FRMD5: variants seen among roughly 807,000 people sequenced by gnomAD.
The protein encoded by FRMD5 is FERM domain-containing protein 5.
Under a neutral mutation model 69.0 loss-of-function variants are expected in FRMD5, and 20 were observed. The ratio of observed to expected loss-of-function variants is 0.29; its 90% CI spans 0.20 to 0.42. The LOEUF is 0.42. Among genes scored for constraint, FRMD5 ranks in the 10% least tolerant of loss-of-function variants. The pLI, the probability that FRMD5 is intolerant of heterozygous loss-of-function variation, is 1.00. For missense variants in FRMD5, 595 were observed against 708.6 expected (o/e 0.84, Z 1.82); for synonymous variants, 271 against 260.1 (o/e 1.04, Z -0.40).
intron 1 of FRMD5, among the ~76,000 whole-genome samples, chr15:44,052,464 C>T (rs971933090): frequency 6.6e-6 from 1 of 152,116 alleles, no homozygotes; most frequent in African/African-American, 2.4e-5. Context: ...GAATGGTATT[C>T]GAATCTAAGA....
rs372238267 is a variant in FRMD5 at position 43,992,597 on chromosome 15, C to T, written c.103-68288G>A. ...TTCACCACATTGGCCAGACTGGTCT[C>T]GAACTCCTGATCTCAGGTGACCCAC... On this transcript the variant is annotated intron_variant, in intron 1 of 13. Transcript: ENST00000417257. Among the ~76,000 whole-genome samples the T allele has an allele frequency of 3.0e-4, 45 of 152,218 alleles. 1 individual carries two copies. In the South Asian group the frequency reaches 7.3e-3, roughly 25 times the overall value.
rs112770866 is a variant in FRMD5 at position 44,160,025 on chromosome 15, C to T, written c.102+34928G>A. ...AATAAGTAGCATGGCTGACCCTTCA[C>T]GGTAGCCACTGCTGACATTTAGTTC... On this transcript the variant is annotated intron_variant, in intron 1 of 13. Transcript: ENST00000417257. Among the ~76,000 whole-genome samples, 607 of 152,276 alleles carry T rather than the reference C, an allele frequency of 4.0e-3. 5 individuals carry two copies. Among genetic ancestry groups the T allele is most frequent in the African/African-American group, 0.013 (561 of 41,558 alleles).
chr15:43,911,710 T>G (rs1048732227), intron 4 of FRMD5, among the ~76,000 whole-genome samples: 7 of 152,210 alleles, frequency 4.6e-5, no homozygotes, highest in African/African-American at 1.4e-4. Context: ...TGTAGTAAAA[T>G]TCCTTTAAAT....
In FRMD5 at chr15:44,025,431, C is replaced by CAT. The variant is rs549729523; in HGVS notation, c.103-101124_103-101123dup. Among the ~76,000 whole-genome samples the CAT allele has an allele frequency of 3.4e-4, 52 of 152,082 alleles. No individual in the cohort carries two copies. The South Asian group carries it at 9.8e-3, about 29-fold the overall frequency. On this transcript the variant is annotated intron_variant, in intron 1 of 13. Transcript: ENST00000417257. ...ATGCATGGGAGAATGTACACACACACATATATATACACACACACAAATATA... is the reference window on the plus strand; with the variant it reads ...ATGCATGGGAGAATGTACACACACACATATATATATACACACACACAAATATA...
intron 1 of FRMD5, among the ~76,000 whole-genome samples, chr15:43,939,095 C>G (rs1358538042): frequency 1.3e-5 from 2 of 151,802 alleles, no homozygotes; most frequent in Non-Finnish European, 2.9e-5. Context: ...GGTCTCGAAC[C>G]CCTGACCTCA....
At chr15:44,142,517 A>C (rs2077288757) in intron 1 of FRMD5, among the ~76,000 whole-genome samples, 1 of 152,208 alleles carries the variant, frequency 6.6e-6, no homozygotes, top group South Asian at 2.1e-4. Flanking sequence ...GAGACTCCAC[A>C]CATTCATAAC....
At chr15:43,944,733 G>T (rs935511154) in intron 1 of FRMD5, among the ~76,000 whole-genome samples, 1 of 152,110 alleles carries the variant, frequency 6.6e-6, no homozygotes, top group African/African-American at 2.4e-5. Flanking sequence ...GGGACTACAG[G>T]CACCCGCTAC....
chr15:43,884,887 A>C (rs1420544029), intron 11 of FRMD5, 92 bp from the exon 12 acceptor site: 1 of 1,119,024 alleles, frequency 8.9e-7, no homozygotes, highest in East Asian at 2.4e-5. Flanking sequence ...TCCCTGAATC[A>C]GGAAATGGCA....
chr15:43,886,219 T>C (rs2088660079), intron 10 of FRMD5, among the ~76,000 whole-genome samples: 1 of 152,158 alleles, frequency 6.6e-6, no homozygotes, highest in African/African-American at 2.4e-5. Context: ...GTCCCAGTAT[T>C]TGATTTTGTG....
chr15:44,188,894 G>A (rs1184370985), intron 1 of FRMD5, among the ~76,000 whole-genome samples: 4 of 152,022 alleles, frequency 2.6e-5, no homozygotes, highest in Non-Finnish European at 4.4e-5. Flanking sequence ...CTCTAAATAC[G>A]AAGCAGCAGA....
chr15:43,900,110 G>T (rs1489887675), intron 7 of FRMD5, among the ~76,000 whole-genome samples: 2 of 152,216 alleles, frequency 1.3e-5, no homozygotes, highest in East Asian at 1.9e-4. Context: ...CGTCTTTAAG[G>T]TCCTAGAGTG....
chr15:44,143,106 AAAAG>A (rs909990827), intron 1 of FRMD5, among the ~76,000 whole-genome samples: 16 of 152,300 alleles, frequency 1.1e-4, no homozygotes, highest in African/African-American at 3.1e-4. Context: ...AAAAAAAGAA[AAAAG>A]AAAGAAAGAA....
At chr15:44,110,468 T>C (rs562164799) in intron 1 of FRMD5, among the ~76,000 whole-genome samples, 13 of 152,372 alleles carry the variant, frequency 8.5e-5, no homozygotes, top group African/African-American at 2.9e-4. Flanking sequence ...AATAAACTGC[T>C]TGCAAGGTTT....
intron 1 of FRMD5, among the ~76,000 whole-genome samples, chr15:44,154,703 C>T (rs1189013945): frequency 6.6e-6 from 1 of 152,102 alleles, no homozygotes; most frequent in Non-Finnish European, 1.5e-5. Flanking sequence ...TTGTATGATT[C>T]CATTTATATA....
intron 1 of FRMD5, among the ~76,000 whole-genome samples, chr15:44,151,921 A>AAGGCC (rs1453683154): frequency 2.0e-5 from 3 of 152,222 alleles, no homozygotes; most frequent in African/African-American, 4.8e-5. Flanking sequence ...TAAATGGGCA[A>AAGGCC]AGGCCAGGCC....
At chr15:43,921,505 A>T (rs1196939190) in intron 2 of FRMD5, among the ~76,000 whole-genome samples, 2 of 152,162 alleles carry the variant, frequency 1.3e-5, no homozygotes, top group African/African-American at 4.8e-5. Flanking sequence ...GTGAGAAGGG[A>T]CTGAAGAGCT....
chr15:43,986,718 A>AT (rs35426062), intron 1 of FRMD5, among the ~76,000 whole-genome samples: 130,231 of 147,868 alleles, frequency 0.88, 57,970 homozygotes, highest in East Asian at 1. Flanking sequence ...AGTACTTGGG[A>AT]TTTTTTTTTT....
chr15:44,194,500 C>A, intron 1 of FRMD5: 1 of 259,874 alleles, frequency 3.8e-6, no homozygotes, highest in Non-Finnish European at 7.5e-6. Flanking sequence ...ATGACATAAA[C>A]CATTATCCTT....
At chr15:43,919,964 T>G (rs931829013) in intron 2 of FRMD5, among the ~76,000 whole-genome samples, 155 bp from the exon 3 acceptor site, 1 of 152,222 alleles carries the variant, frequency 6.6e-6, no homozygotes, top group African/African-American at 2.4e-5. Context: ...AAGAGTGATA[T>G]GATTTTCTGA....
Sources: gnomAD v4.1 joint callset for allele counts (sites outside exome capture counted in the v4.1 genomes callset) on GRCh38, gnomAD v4.1.1 for gene constraint, MANE v1.5 for transcripts, NCBI Gene and HGNC (gene_info 2026-07-23, HGNC 2026-07-21) for gene names.